CCDC178: variants seen among roughly 807,000 people sequenced by gnomAD.
CCDC178 encodes the protein coiled-coil domain containing 178, also known as coiled-coil domain-containing protein 178.
Under a neutral mutation model 117.4 loss-of-function variants are expected in CCDC178, and 126 were observed. The observed-to-expected ratio is 1.07, with a 90% CI of 0.93 to 1.24. The LOEUF is 1.24. Ranked by LOEUF, CCDC178 falls within the 50% of genes most tolerant of loss-of-function variation. CCDC178 has a pLI of 0.00. For synonymous variants in CCDC178, 283 were observed against 313.4 expected, an observed-to-expected ratio of 0.90 and a Z score of 1.02; for missense variants, 1,030 against 986.9, an observed-to-expected ratio of 1.04 and a Z score of -0.59.
intron 2 of CCDC178, among the ~76,000 whole-genome samples, chr18:33,423,445 A>T (rs2064061705): frequency 6.6e-6 from 1 of 152,166 alleles, no homozygotes; most frequent in Admixed American, 6.5e-5. Context: ...GCTATATTGT[A>T]TTCTTTCACT....
chr18:33,311,344 A>G (rs1209554722), intron 11 of CCDC178, among the ~76,000 whole-genome samples: 1 of 152,206 alleles, frequency 6.6e-6, no homozygotes, highest in Non-Finnish European at 1.5e-5. Flanking sequence ...TCATCTCAAG[A>G]CTAGTAGACC....
chr18:32,963,252 T>C (rs930706138), intron 22 of CCDC178, among the ~76,000 whole-genome samples: 3 of 152,070 alleles, frequency 2.0e-5, no homozygotes, highest in Non-Finnish European at 4.4e-5. Context: ...GGAATCTGTT[T>C]CCTAAGTCCC....
intron 4 of CCDC178, among the ~76,000 whole-genome samples, chr18:33,389,912 A>T (rs1485763071): frequency 6.6e-6 from 1 of 151,484 alleles, no homozygotes; most frequent in Admixed American, 6.6e-5. Context: ...TGTATCCAGG[A>T]CACACTGTGA....
chr18:32,992,448 G>A (rs1483817712), intron 21 of CCDC178, among the ~76,000 whole-genome samples: 8 of 152,128 alleles, frequency 5.3e-5, no homozygotes, highest in Non-Finnish European at 1.0e-4. Flanking sequence ...TTTAAAAGAT[G>A]CTTTGAAAGT....
Position 33,333,325 on chromosome 18 carries a change from T to G in CCDC178, c.728A>C (p.Gln243Pro), listed in dbSNP as rs1599175759. The change falls in exon 10 of 23, where the codon CAA becomes CCA. Residue 243 changes from glutamine to proline, a missense_variant. Physicochemically the swap from Gln to Pro is moderately conservative, Grantham distance 76. Coordinates refer to ENST00000383096, the MANE Select transcript of CCDC178 (RefSeq NM_001105528.4). Reference protein sequence around the residue: ...WHLEDKANQLQHFEKQKTELE... With the variant: ...WHLEDKANQLPHFEKQKTELE... ...CTCTGTCTTTTGTTTTTCAAAATGT[T>G]GTAGTTGATTAGCTTTATCTTCAAG... 9.9e-6 allele frequency: 16 copies of G among 1,612,942 alleles called. No homozygotes were observed. In the East Asian group the frequency reaches 3.6e-4, roughly 36 times the overall value.
chr18:33,234,289 A>G (rs2059401317), intron 15 of CCDC178, among the ~76,000 whole-genome samples: 1 of 152,074 alleles, frequency 6.6e-6, no homozygotes, highest in Non-Finnish European at 1.5e-5. Flanking sequence ...TTTCCCGGCA[A>G]CCATTTCCCA....
At chr18:33,091,547 G>A (rs1238343361) in intron 21 of CCDC178, among the ~76,000 whole-genome samples, 2 of 151,688 alleles carry the variant, frequency 1.3e-5, no homozygotes, top group African/African-American at 4.8e-5. Flanking sequence ...ATGTTGGCCA[G>A]GCTGGTCTCA....
intron 21 of CCDC178, among the ~76,000 whole-genome samples, chr18:33,073,531 CTATCTATCTATCTATCTATCTATA>C (rs1193499882): frequency 2.7e-5 from 4 of 148,980 alleles, no homozygotes; most frequent in African/African-American, 1.0e-4. Context: ...ATCTATCTAT[CTATCTATCTATCTATCTATCTATA>C]TATATATCTT....
At chr18:33,067,844 A>C (rs1405401310) in intron 21 of CCDC178, among the ~76,000 whole-genome samples, 1 of 152,084 alleles carries the variant, frequency 6.6e-6, no homozygotes. Flanking sequence ...AAAATAAATA[A>C]ATAAATAAAA....
intron 21 of CCDC178, among the ~76,000 whole-genome samples, chr18:33,062,515 C>G (rs958974615): frequency 1.3e-5 from 2 of 152,142 alleles, no homozygotes; most frequent in African/African-American, 4.8e-5. Context: ...AAGCAGCCAA[C>G]CTGGCTGGAA....
At chr18:33,276,229 A>C (rs772886874) in intron 12 of CCDC178, among the ~76,000 whole-genome samples, 2 of 152,074 alleles carry the variant, frequency 1.3e-5, no homozygotes, top group Non-Finnish European at 2.9e-5. Context: ...CATTTTAATA[A>C]ATGAATGCAT....
At chr18:33,079,820 C>T (rs558946357) in intron 21 of CCDC178, among the ~76,000 whole-genome samples, 1 of 152,230 alleles carries the variant, frequency 6.6e-6, no homozygotes, top group East Asian at 1.9e-4. Context: ...CACTAATACA[C>T]TTGGTGGGAG....
rs1022100225 is a variant in CCDC178, at chr18:33,283,685, G to T, written c.1176+9474C>A. Among the ~76,000 whole-genome samples the T allele has an allele frequency of 4.6e-5, 7 of 152,110 alleles. 1 individual carries two copies. Among genetic ancestry groups the T allele is most frequent in the Non-Finnish European group, 2.9e-5 (2 of 68,022 alleles). ...CAGCATCACTGATCATTACAAAAAT[G>T]CAAACAAAACCACAATGAAATATCA... On this transcript the variant is annotated intron_variant, in intron 12 of 22. Coordinates refer to ENST00000383096, the MANE Select transcript of CCDC178 (RefSeq NM_001105528.4).
intron 10 of CCDC178, among the ~76,000 whole-genome samples, chr18:33,329,972 T>G (rs1163635592): frequency 2.4e-4 from 32 of 133,506 alleles, no homozygotes; most frequent in African/African-American, 8.1e-4. Context: ...TTTTTTTTGG[T>G]GGAGTGGGGA....
At chr18:33,298,756 G>A (rs775705774) in intron 11 of CCDC178, among the ~76,000 whole-genome samples, 1 of 152,070 alleles carries the variant, frequency 6.6e-6, no homozygotes, top group Non-Finnish European at 1.5e-5. Flanking sequence ...ACCAAAAAAT[G>A]CTTAGAACTG....
intron 5 of CCDC178, among the ~76,000 whole-genome samples, chr18:33,385,732 T>C (rs942818241): frequency 1.3e-5 from 2 of 152,170 alleles, no homozygotes; most frequent in Admixed American, 6.5e-5. Context: ...GGCAAATTTA[T>C]AGCACTAAAT....
At chr18:33,189,044 A>G (rs192750932) in intron 20 of CCDC178, among the ~76,000 whole-genome samples, 4 of 152,212 alleles carry the variant, frequency 2.6e-5, no homozygotes, top group Non-Finnish European at 4.4e-5. Context: ...ATGATTGATT[A>G]TGACTTTCAA....
chr18:33,345,734 G>A (rs2062883006), intron 9 of CCDC178, among the ~76,000 whole-genome samples: 1 of 152,146 alleles, frequency 6.6e-6, no homozygotes, highest in South Asian at 2.1e-4. Context: ...AGGACATCAG[G>A]TCCAGGTTTG....
chr18:33,128,443 A>T (rs1269685041), intron 20 of CCDC178, among the ~76,000 whole-genome samples: 1 of 152,124 alleles, frequency 6.6e-6, no homozygotes, highest in African/African-American at 2.4e-5. Flanking sequence ...CAGGTAAAAA[A>T]TGTCTTAATT....
Sources: gnomAD v4.1 joint callset for allele counts (sites outside exome capture counted in the v4.1 genomes callset) on GRCh38, gnomAD v4.1.1 for gene constraint, MANE v1.5 for transcripts, NCBI Gene and HGNC (gene_info 2026-07-23, HGNC 2026-07-21) for gene names.